The following MRAP2 variants were observed in gnomAD, a reference collection of about 807,000 sequenced individuals.
MRAP2 encodes the protein melanocortin-2 receptor accessory protein 2.
MRAP2 carries 20 observed loss-of-function variants against 17.4 expected under a neutral mutation model. The ratio of observed to expected loss-of-function variants is 1.15; its 90% CI spans 0.81 to 1.67. MRAP2 has a LOEUF of 1.67. MRAP2 is among the 40% of genes most tolerant of loss of function. MRAP2 has a pLI of 0.00. For missense variants in MRAP2, 238 were observed against 240.0 expected (o/e 0.99, Z 0.05); for synonymous variants, 96 against 88.4 (o/e 1.09, Z -0.48).
At chr6:84,134,437 C>G in the MRAP2 span, among the ~76,000 whole-genome samples, 1 of 152,178 alleles carries the variant, frequency 6.6e-6, no homozygotes, top group Non-Finnish European at 1.5e-5. Context: ...CCCAAACGGC[C>G]GCCCAGTTTT....
At chr6:84,078,411 G>T (rs556030266) in intron 3 of MRAP2, among the ~76,000 whole-genome samples, 6 of 152,260 alleles carry the variant, frequency 3.9e-5, no homozygotes, top group African/African-American at 1.4e-4. Context: ...TCAGAGAAAT[G>T]CACATTAAAG....
the MRAP2 span, among the ~76,000 whole-genome samples, chr6:84,117,642 G>GGCGT: frequency 4.4e-4 from 62 of 140,968 alleles, no homozygotes; most frequent in African/African-American, 1.8e-3. Flanking sequence ...TTGGATGTGG[G>GGCGT]GTGTGTGTCT....
At chr6:84,051,165 T>C (rs1191917285) in intron 1 of MRAP2, among the ~76,000 whole-genome samples, 1 of 152,226 alleles carries the variant, frequency 6.6e-6, no homozygotes, top group Non-Finnish European at 1.5e-5. Flanking sequence ...CCAGGGATAT[T>C]GACACAAAGA....
At chr6:84,140,243 C>T in the MRAP2 span, among the ~76,000 whole-genome samples, 4 of 152,034 alleles carry the variant, frequency 2.6e-5, no homozygotes, top group Admixed American at 6.6e-5. Context: ...CATTAGGAGC[C>T]TTTGGCGTTT....
chr6:84,113,622 T>C, the MRAP2 span, among the ~76,000 whole-genome samples: 1 of 148,724 alleles, frequency 6.7e-6, no homozygotes, highest in African/African-American at 2.6e-5. Flanking sequence ...TTTGATCCTG[T>C]CATTATGATC....
the MRAP2 span, among the ~76,000 whole-genome samples, chr6:84,108,868 G>A: frequency 1.3e-5 from 2 of 152,088 alleles, no homozygotes; most frequent in African/African-American, 4.8e-5. Flanking sequence ...TAAGGAAGGG[G>A]TTCAGTTTCA....
intron 3 of MRAP2, among the ~76,000 whole-genome samples, chr6:84,082,471 T>C (rs1385045561): frequency 6.6e-6 from 1 of 152,226 alleles, no homozygotes; most frequent in Non-Finnish European, 1.5e-5. Context: ...ATTCTTCCTC[T>C]TTCTTAAATG....
At chr6:84,093,915 G>A (rs1188133977), downstream of MRAP2, among the ~76,000 whole-genome samples, 1 of 152,198 alleles carries the variant, frequency 6.6e-6, no homozygotes, top group Admixed American at 6.5e-5. Flanking sequence ...TGATTGGCTG[G>A]AAGTTAGGTA....
chr6:84,052,071 G>A (rs754985898), intron 1 of MRAP2, among the ~76,000 whole-genome samples: 12 of 152,170 alleles, frequency 7.9e-5, no homozygotes, highest in African/African-American at 2.7e-4. Flanking sequence ...GAGCAATTTA[G>A]TCTCTCCCTC....
intron 1 of MRAP2, among the ~76,000 whole-genome samples, chr6:84,041,343 A>G (rs2099487516): frequency 6.6e-6 from 1 of 152,364 alleles, no homozygotes; most frequent in African/African-American, 2.4e-5. Flanking sequence ...CAGAGCCCTC[A>G]TGGAGAACCT....
the MRAP2 span, among the ~76,000 whole-genome samples, chr6:84,113,022 G>A: frequency 6.6e-6 from 1 of 152,104 alleles, no homozygotes; most frequent in South Asian, 2.1e-4. Context: ...CAATTATGTG[G>A]TCAATTTTAG....
intron 1 of MRAP2, among the ~76,000 whole-genome samples, chr6:84,043,770 G>C (rs1423525289): frequency 1.3e-5 from 2 of 152,174 alleles, no homozygotes; most frequent in African/African-American, 2.4e-5. Flanking sequence ...ACAGTCCACA[G>C]TCCTTGAATT....
chr6:84,115,025 G>T, the MRAP2 span, among the ~76,000 whole-genome samples: 23 of 152,176 alleles, frequency 1.5e-4, no homozygotes, highest in Non-Finnish European at 2.9e-4. Context: ...CTGCTGGGAG[G>T]TGTCTCCCAG....
chr6:84,110,786 A>C, the MRAP2 span, among the ~76,000 whole-genome samples: 21 of 152,174 alleles, frequency 1.4e-4, no homozygotes, highest in Non-Finnish European at 3.1e-4. Flanking sequence ...TATAAGGTGT[A>C]AGGAAGGGGT....
the MRAP2 span, among the ~76,000 whole-genome samples, chr6:84,096,023 G>A: frequency 2.6e-5 from 4 of 152,184 alleles, no homozygotes; most frequent in Non-Finnish European, 5.9e-5. Context: ...AGGAAACATA[G>A]TTCATAAAAT....
chr6:84,129,482 T>A, the MRAP2 span, among the ~76,000 whole-genome samples: 156 of 152,370 alleles, frequency 1.0e-3, 1 homozygote, highest in African/African-American at 3.7e-3. Context: ...CATAAATGTC[T>A]TCTTTTGAAA....
intron 1 of MRAP2, chr6:84,035,419 T>G: frequency 1.0e-6 from 1 of 984,798 alleles, no homozygotes; most frequent in Non-Finnish European, 1.2e-6. Context: ...TTTCTAGCAA[T>G]CTACTGGGAT....
chr6:84,050,186 G>T (rs958471246), intron 1 of MRAP2, among the ~76,000 whole-genome samples: 8 of 152,134 alleles, frequency 5.3e-5, no homozygotes, highest in African/African-American at 1.9e-4. Flanking sequence ...ACTTAAAATG[G>T]ATTCACAGAA....
chr6:84,141,229 T>C, the MRAP2 span, among the ~76,000 whole-genome samples: 2 of 149,418 alleles, frequency 1.3e-5, no homozygotes, highest in Non-Finnish European at 2.9e-5. Context: ...CCTTTAAAGA[T>C]TTGAGTTTTT....
Sources: gnomAD v4.1 joint callset for allele counts (sites outside exome capture counted in the v4.1 genomes callset) on GRCh38, gnomAD v4.1.1 for gene constraint, MANE v1.5 for transcripts, NCBI Gene and HGNC (gene_info 2026-07-23, HGNC 2026-07-21) for gene names.